Variants in XRCC4 observed in about 807,000 individuals in gnomAD.
XRCC4 encodes the protein DNA repair protein XRCC4.
In XRCC4, 28 loss-of-function variants were observed where a neutral mutation model predicts 39.1. The ratio of observed to expected loss-of-function variants is 0.72; its 90% confidence interval spans 0.53 to 0.98. The LOEUF (loss-of-function observed/expected upper bound fraction) is 0.98, where lower values mean the gene tolerates loss of function less well. XRCC4 is among the 50% of genes least tolerant of loss of function. The pLI, the probability that XRCC4 is intolerant of heterozygous loss-of-function variation, is 0.00. For synonymous variants in XRCC4, 123 were observed against 126.4 expected (o/e 0.97, Z 0.18); for missense variants, 350 against 376.4 (o/e 0.93, Z 0.58).
intron 1 of XRCC4, among the ~76,000 whole-genome samples, chr5:83,095,661 G>A (rs1200914619): frequency 6.6e-6 from 1 of 152,164 alleles, no homozygotes; most frequent in African/African-American, 2.4e-5. Flanking sequence ...GCTAAGCAGA[G>A]GCCCTTCAGG....
intron 7 of XRCC4, among the ~76,000 whole-genome samples, chr5:83,266,464 C>T (rs1233342620): frequency 6.6e-6 from 1 of 150,810 alleles, no homozygotes; most frequent in East Asian, 1.9e-4. Flanking sequence ...AAGATATGAA[C>T]CCCCAAAGTA....
At chr5:83,168,197 G>A (rs1749569718) in intron 3 of XRCC4, among the ~76,000 whole-genome samples, 1 of 152,006 alleles carries the variant, frequency 6.6e-6, no homozygotes, top group African/African-American at 2.4e-5. Flanking sequence ...GAAAGCAAGA[G>A]ATAAAAATAA....
chr5:83,195,684 T>C (rs1750905772), intron 3 of XRCC4, 86 bp from the exon 4 acceptor site: 1 of 1,253,366 alleles, frequency 8.0e-7, no homozygotes, highest in Non-Finnish European at 1.1e-6. Flanking sequence ...ACTTTTTTAT[T>C]CTCAGAAGAA....
intron 3 of XRCC4, among the ~76,000 whole-genome samples, chr5:83,144,301 G>GTA (rs923437810): frequency 5.4e-5 from 8 of 148,480 alleles, no homozygotes; most frequent in African/African-American, 2.1e-4. Context: ...GTGTGTGTGT[G>GTA]TGTGTAAAAT....
intron 7 of XRCC4, among the ~76,000 whole-genome samples, chr5:83,349,907 C>T (rs769006159): frequency 6.6e-6 from 1 of 151,918 alleles, no homozygotes; most frequent in East Asian, 1.9e-4. Context: ...CAACCCATGA[C>T]CCCTCCTTCC....
chr5:83,244,467 T>A (rs1753025786), intron 6 of XRCC4, among the ~76,000 whole-genome samples: 1 of 152,198 alleles, frequency 6.6e-6, no homozygotes, highest in Admixed American at 6.5e-5. Flanking sequence ...ACATCTGGAT[T>A]TCTGTTCAAA....
intron 7 of XRCC4, among the ~76,000 whole-genome samples, chr5:83,276,814 G>A (rs909015285): frequency 9.2e-5 from 14 of 151,978 alleles, no homozygotes; most frequent in African/African-American, 3.4e-4. Flanking sequence ...GCTTATGACA[G>A]AATCTTGTTA....
intron 7 of XRCC4, among the ~76,000 whole-genome samples, chr5:83,342,481 C>T (rs1291769393): frequency 6.6e-6 from 1 of 152,120 alleles, no homozygotes; most frequent in Non-Finnish European, 1.5e-5. Context: ...TTATTTCCAT[C>T]TTCTTCCTGC....
intron 1 of XRCC4, among the ~76,000 whole-genome samples, chr5:83,087,662 CAAA>C (rs911372348): frequency 4.2e-5 from 6 of 143,406 alleles, no homozygotes; most frequent in African/African-American, 1.5e-4. Flanking sequence ...GACCCTGTGT[CAAA>C]AAAAAAAAAT....
At chr5:83,305,006 C>T (rs1288691173) in intron 7 of XRCC4, among the ~76,000 whole-genome samples, 2 of 152,036 alleles carry the variant, frequency 1.3e-5, no homozygotes, top group Non-Finnish European at 2.9e-5. Flanking sequence ...GCAAGGTCTC[C>T]CAGAAGCAAC....
intron 2 of XRCC4, among the ~76,000 whole-genome samples, chr5:83,106,432 T>C (rs551831799): frequency 1.3e-4 from 20 of 152,228 alleles, no homozygotes; most frequent in African/African-American, 4.1e-4. Context: ...TACTTAGTTG[T>C]TGTCAGACAG....
intron 6 of XRCC4, among the ~76,000 whole-genome samples, chr5:83,206,147 T>A (rs979715334): frequency 2.6e-5 from 4 of 152,100 alleles, no homozygotes; most frequent in Non-Finnish European, 5.9e-5. Context: ...TTTTAAACAG[T>A]CAGGTGACAT....
chr5:83,078,176 A>G (rs1402295347), intron 1 of XRCC4, among the ~76,000 whole-genome samples: 1 of 152,246 alleles, frequency 6.6e-6, no homozygotes, highest in Non-Finnish European at 1.5e-5. Flanking sequence ...ATGACAAGGC[A>G]ACTTTTAATC....
intron 7 of XRCC4, among the ~76,000 whole-genome samples, chr5:83,274,475 G>A (rs555786090): frequency 6.6e-6 from 1 of 152,296 alleles, no homozygotes; most frequent in South Asian, 2.1e-4. Context: ...AGGCACAGAG[G>A]ATAGAAGACA....
intron 6 of XRCC4, among the ~76,000 whole-genome samples, chr5:83,230,491 G>C (rs1384737841): frequency 6.6e-6 from 1 of 151,988 alleles, no homozygotes; most frequent in Non-Finnish European, 1.5e-5. Context: ...TTACAAAGGA[G>C]ATTGTAAATA....
chr5:83,351,873 C>T (rs1025864518), intron 7 of XRCC4, among the ~76,000 whole-genome samples: 3 of 152,208 alleles, frequency 2.0e-5, no homozygotes, highest in Admixed American at 1.3e-4. Context: ...TTTAAAAATA[C>T]TCATCACCTA....
intron 3 of XRCC4, among the ~76,000 whole-genome samples, chr5:83,187,535 C>G (rs1750508526): frequency 6.6e-6 from 1 of 152,124 alleles, no homozygotes; most frequent in African/African-American, 2.4e-5. Context: ...TTGACCTATT[C>G]AAGCATAGAA....
chr5:83,108,595 G>C (rs1268306387), intron 2 of XRCC4, among the ~76,000 whole-genome samples: 3 of 151,684 alleles, frequency 2.0e-5, no homozygotes, highest in Non-Finnish European at 4.4e-5. Flanking sequence ...TTTCAGACAG[G>C]TATCTTTTCA....
At chr5:83,344,415 CTT>C (rs70973394) in intron 7 of XRCC4, among the ~76,000 whole-genome samples, 2 of 115,228 alleles carry the variant, frequency 1.7e-5, no homozygotes, top group Non-Finnish European at 3.4e-5. Context: ...TTATTTTTCA[CTT>C]TTTTTTTTTT....
Sources: allele counts gnomAD v4.1 joint callset (sites outside exome capture counted in the v4.1 genomes callset), GRCh38; gene constraint gnomAD v4.1.1; transcripts MANE v1.5; gene names NCBI Gene and HGNC (gene_info 2026-07-23, HGNC 2026-07-21).